The following BEST3 variants were observed in gnomAD, a reference collection of about 807,000 sequenced individuals.
The protein encoded by BEST3 is bestrophin 3, also known as bestrophin-3.
In BEST3, 50 loss-of-function variants were observed where a neutral mutation model predicts 47.1. The ratio of observed to expected loss-of-function variants is 1.06; its 90% CI spans 0.85 to 1.34. The LOEUF (loss-of-function observed/expected upper bound fraction) is 1.34. Ranked by LOEUF, BEST3 falls within the 40% of genes most tolerant of loss-of-function variation. BEST3 has a pLI of 0.00. For missense variants in BEST3, 765 were observed against 817.0 expected (o/e 0.94, Z 0.78); for synonymous variants, 282 against 298.8 (o/e 0.94, Z 0.58).
At chr12:69,657,954 A>G (rs578084793) in intron 9 of BEST3, among the ~76,000 whole-genome samples, 8 of 152,252 alleles carry the variant, frequency 5.3e-5, no homozygotes, top group Non-Finnish European at 8.8e-5. Flanking sequence ...ATGCAGACTC[A>G]TGCTTCAGTG....
rs78078157 is a variant in BEST3, at chr12:69,655,044, A to T, written c.1870T>A (p.Ser624Thr). 3.8e-4 allele frequency: 606 copies of T among 1,614,044 alleles called. 7 individuals are homozygous for T. In the East Asian group the frequency reaches 0.013, roughly 35 times the overall value. Residue 624 changes from serine (S) to threonine (T), a missense_variant, in exon 10 of 10, where the codon TCC becomes ACC. Transcript: ENST00000330891. ...ATGTTGATCCCACTGATCTCTGAGG[A>T]TGTTTCTGTGTCAATTAAAAGAGCT... ...QPALLIDTET[S>T]SEISGINIVA...
intron 9 of BEST3, among the ~76,000 whole-genome samples, chr12:69,671,083 CA>C (rs1332958687): frequency 1.3e-5 from 2 of 152,062 alleles, no homozygotes; most frequent in East Asian, 1.9e-4. Context: ...AAAAAAATGC[CA>C]AAAAAGGTAA....
At chr12:69,689,048 G>A in intron 4 of BEST3, 1 of 980,474 alleles carries the variant, frequency 1.0e-6, no homozygotes, top group Non-Finnish European at 1.2e-6. Context: ...CACCCCTTTG[G>A]GGCCCTCAGT....
intron 9 of BEST3, among the ~76,000 whole-genome samples, chr12:69,665,517 C>T (rs933932765): frequency 5.9e-5 from 9 of 152,182 alleles, no homozygotes; most frequent in African/African-American, 1.9e-4. Context: ...TGCTTGAACC[C>T]GGGAAGTGGA....
In BEST3 at chr12:69,676,976, C is replaced by G. The variant is rs1397187418; in HGVS notation, c.807G>C (p.Leu269Phe). ...GGGTGAAGATGGGAATGTAAAGATC[C>G]AAGTCATGCCCTGCGTAGCCTTTGG... ...DPTKGYAGHDLDLYIPIFTLL... is the reference protein window; with the variant it reads ...DPTKGYAGHDFDLYIPIFTLL... The change falls in exon 7 of 10, where the codon TTG becomes TTC. Residue 269 changes from leucine to phenylalanine, a missense_variant. Transcript: ENST00000330891. The G allele has an allele frequency of 1.1e-5, 17 of 1,613,890 alleles. 1 individual carries two copies. Among genetic ancestry groups the G allele is most frequent in the Admixed American group, 3.3e-5 (2 of 59,978 alleles).
chr12:69,678,627 C>G, intron 5 of BEST3, 112 bp downstream of exon 5: 1 of 1,006,350 alleles, frequency 9.9e-7, no homozygotes, highest in Non-Finnish European at 1.5e-6. Flanking sequence ...CTTTCCAGTT[C>G]CTCTGGAACC....
At chr12:69,663,422 C>G (rs1054144798) in intron 9 of BEST3, among the ~76,000 whole-genome samples, 5 of 152,220 alleles carry the variant, frequency 3.3e-5, no homozygotes, top group African/African-American at 1.2e-4. Flanking sequence ...TTTGGGTATA[C>G]TTCCTCGCTG....
At chr12:69,656,381 G>GTCTA (rs757758992) in intron 9 of BEST3, among the ~76,000 whole-genome samples, 2 of 151,014 alleles carry the variant, frequency 1.3e-5, no homozygotes, top group Non-Finnish European at 2.9e-5. Flanking sequence ...CTGTCTGTCT[G>GTCTA]TCTATCTATC....
intron 7 of BEST3, among the ~76,000 whole-genome samples, chr12:69,673,443 ATTTTTAT>A (rs1884706838): frequency 2.0e-5 from 3 of 152,076 alleles, no homozygotes; most frequent in Non-Finnish European, 2.9e-5. Context: ...ATTTATTTTT[ATTTTTAT>A]TTTTTTAGAC....
intron 9 of BEST3, among the ~76,000 whole-genome samples, chr12:69,668,327 C>T (rs530477809): frequency 1.1e-3 from 164 of 152,294 alleles, no homozygotes; most frequent in Non-Finnish European, 2.1e-3. Context: ...AAAAAAATCT[C>T]ATCCAGGAAA....
chr12:69,693,098 C>T (rs1453153176), intron 4 of BEST3, among the ~76,000 whole-genome samples: 2 of 152,150 alleles, frequency 1.3e-5, no homozygotes, highest in South Asian at 2.1e-4. Flanking sequence ...TTACTATCTG[C>T]CACTTTCTCT....
intron 9 of BEST3, among the ~76,000 whole-genome samples, chr12:69,647,320 C>T (rs1016467530): frequency 6.6e-6 from 1 of 152,172 alleles, no homozygotes; most frequent in Admixed American, 6.5e-5. Context: ...TAGTGTGATA[C>T]AAGAGTTGGC....
intron 7 of BEST3, among the ~76,000 whole-genome samples, chr12:69,675,997 A>AT (rs974361819): frequency 2.6e-5 from 4 of 151,986 alleles, no homozygotes; most frequent in African/African-American, 9.7e-5. Context: ...ATTGTCATTG[A>AT]TTTTTTTTCT....
In BEST3 at chr12:69,684,641, G is replaced by A. The variant is rs529197026; in HGVS notation, c.482-5748C>T. ...AGAGAGTTGTGTATTCAGCATCTGA[G>A]CCCTTCTCCAAGGGATGACACTTTT... On this transcript the variant is annotated intron_variant, in intron 4 of 9. Transcript: ENST00000330891. 5.4e-5 allele frequency: 34 copies of A among 629,684 alleles called. No homozygotes were observed. The Admixed American group carries it at 6.0e-4, about 11-fold the overall frequency. 39.0% of individuals were successfully genotyped at this position (629,684 alleles called of 1,614,324 possible). A position where few individuals can be genotyped will look rare whatever the true frequency, so the allele number is the denominator to read the frequency against.
chr12:69,686,740 C>G (rs1885612433), intron 4 of BEST3, among the ~76,000 whole-genome samples: 1 of 119,766 alleles, frequency 8.3e-6, no homozygotes, highest in South Asian at 2.8e-4. Context: ...ACACTATACT[C>G]CAGCCTGGGC....
chr12:69,646,441 C>G (rs1031141424), intron 9 of BEST3, among the ~76,000 whole-genome samples: 3 of 150,212 alleles, frequency 2.0e-5, no homozygotes, highest in Non-Finnish European at 4.5e-5. Context: ...AGCATCCATG[C>G]ACCTAATTTT....
intron 9 of BEST3, among the ~76,000 whole-genome samples, chr12:69,644,507 C>T (rs1596545): frequency 0.37 from 56,695 of 151,930 alleles, 10,907 homozygotes; most frequent in East Asian, 0.51. Flanking sequence ...TTTTTTGGCA[C>T]AGGGTATGAT....
At chr12:69,678,988 G>A in intron 4 of BEST3, 95 bp from the exon 5 acceptor site, 2 of 1,026,752 alleles carry the variant, frequency 1.9e-6, no homozygotes, top group South Asian at 1.7e-5. Flanking sequence ...ATATAATGAG[G>A]GGATATTAAA....
downstream of BEST3, among the ~76,000 whole-genome samples, chr12:69,651,174 A>AAGG (rs3050224): frequency 1.6e-3 from 249 of 152,318 alleles, 1 homozygote; most frequent in African/African-American, 5.5e-3. Flanking sequence ...GGAAGAGAGG[A>AAGG]AGGGCTTTTT....
Sources: gnomAD v4.1 joint callset for allele counts (sites outside exome capture counted in the v4.1 genomes callset) on GRCh38, gnomAD v4.1.1 for gene constraint, MANE v1.5 for transcripts, NCBI Gene and HGNC (gene_info 2026-07-23, HGNC 2026-07-21) for gene names.